SPIRE1: variants seen among roughly 807,000 people sequenced by gnomAD.
SPIRE1 encodes protein spire homolog 1.
Under a neutral mutation model 94.1 loss-of-function variants are expected in SPIRE1, and 40 were observed. That is an observed-to-expected ratio of 0.43 (90% CI 0.33 to 0.55). SPIRE1 has a LOEUF of 0.55. Ranked by LOEUF, SPIRE1 falls within the 20% of genes least tolerant of loss-of-function variation. The pLI, the probability that SPIRE1 is intolerant of heterozygous loss-of-function variation, is 0.06. For missense variants in SPIRE1, 838 were observed against 975.2 expected (o/e 0.86, Z 1.87); for synonymous variants, 376 against 371.7 (o/e 1.01, Z -0.13).
intron 4 of SPIRE1, among the ~76,000 whole-genome samples, chr18:12,528,905 A>G (rs1190138660): frequency 1.3e-5 from 2 of 152,248 alleles, no homozygotes; most frequent in African/African-American, 4.8e-5. Context: ...TCAAATATCT[A>G]CGGAGTCCCC....
At chr18:12,476,137 A>G (rs1267232613) in intron 10 of SPIRE1, among the ~76,000 whole-genome samples, 2 of 152,244 alleles carry the variant, frequency 1.3e-5, no homozygotes, top group African/African-American at 4.8e-5. Flanking sequence ...TCATCAATAG[A>G]AAGTTTATTA....
intron 2 of SPIRE1, among the ~76,000 whole-genome samples, chr18:12,610,520 G>C (rs2037108839): frequency 6.6e-6 from 1 of 151,904 alleles, no homozygotes; most frequent in African/African-American, 2.4e-5. Context: ...TCAATCCCTT[G>C]CCTTTTCTCT....
chr18:12,476,647 G>T (rs1031528630), intron 10 of SPIRE1, among the ~76,000 whole-genome samples: 5 of 107,178 alleles, frequency 4.7e-5, no homozygotes, highest in African/African-American at 6.5e-5. Flanking sequence ...ATATATAAAA[G>T]AATTTCAAAT....
intron 6 of SPIRE1, among the ~76,000 whole-genome samples, chr18:12,503,477 G>A (rs998371758): frequency 5.9e-5 from 9 of 152,106 alleles, no homozygotes; most frequent in African/African-American, 1.9e-4. Context: ...GCACGGGTTC[G>A]GTCCTGAGTT....
intron 2 of SPIRE1, among the ~76,000 whole-genome samples, chr18:12,626,123 T>C (rs1440046058): frequency 6.6e-6 from 1 of 150,652 alleles, no homozygotes; most frequent in African/African-American, 2.4e-5. Flanking sequence ...GGTAGTGAGC[T>C]GATTTAGCTA....
intron 4 of SPIRE1, among the ~76,000 whole-genome samples, chr18:12,514,646 G>A (rs956315368): frequency 2.6e-5 from 4 of 152,052 alleles, no homozygotes; most frequent in African/African-American, 9.7e-5. Context: ...TCAATCAGAG[G>A]GAGTAATATT....
intron 4 of SPIRE1, among the ~76,000 whole-genome samples, chr18:12,531,721 T>A (rs1567913446): frequency 6.6e-6 from 1 of 152,196 alleles, no homozygotes; most frequent in Non-Finnish European, 1.5e-5. Flanking sequence ...GTTAAAGTTT[T>A]AGGTAATGAT....
At chr18:12,472,977 T>C (rs1217501642) in intron 10 of SPIRE1, among the ~76,000 whole-genome samples, 1 of 152,160 alleles carries the variant, frequency 6.6e-6, no homozygotes, top group African/African-American at 2.4e-5. Context: ...GTATTTTTAG[T>C]AGAGATGGGG....
At chr18:12,583,187 G>C (rs568559587) in intron 2 of SPIRE1, among the ~76,000 whole-genome samples, 30 of 152,264 alleles carry the variant, frequency 2.0e-4, no homozygotes, top group African/African-American at 6.0e-4. Context: ...GTGTAAACAG[G>C]GGCCAGGCTC....
Position 12,463,330 on chromosome 18 carries a change from CAA to C in SPIRE1, c.1638+19_1638+20del. The C allele has an allele frequency of 6.3e-7, 1 of 1,585,240 alleles. No individual in the cohort carries two copies. Among genetic ancestry groups the C allele is most frequent in the Non-Finnish European group, 8.6e-7 (1 of 1,164,432 alleles). ...CTTCTAGCTGGTCCCTAAGTTACTA[CAA>C]AGTCTTTCCTGTACTTACAAGAGAG... On this transcript the variant is annotated intron_variant, in intron 12 of 16. Transcript: ENST00000409402.
intron 12 of SPIRE1, among the ~76,000 whole-genome samples, chr18:12,461,418 G>GTGTGTGTGTATGTATGTATATACATACA (rs1351244827): frequency 8.9e-5 from 13 of 146,008 alleles, no homozygotes; most frequent in South Asian, 2.1e-4. Context: ...ACATGTATGT[G>GTGTGTGTGTATGTATGTATATACATACA]TGTGTGTGTG....
At chr18:12,601,212 G>A (rs982958491) in intron 2 of SPIRE1, among the ~76,000 whole-genome samples, 11 of 150,696 alleles carry the variant, frequency 7.3e-5, no homozygotes, top group Non-Finnish European at 1.2e-4. Context: ...CTTAAGGTTC[G>A]AGACCAGCCC....
intron 2 of SPIRE1, among the ~76,000 whole-genome samples, chr18:12,615,345 A>AAAAAAAAAAAAAAAAAAAT: frequency 2.3e-4 from 4 of 17,244 alleles, no homozygotes; most frequent in Non-Finnish European, 3.7e-4. Flanking sequence ...AAAAAAAAAA[A>AAAAAAAAAAAAAAAAAAAT]ATATATATAT....
chr18:12,587,233 C>T (rs2036412419), intron 2 of SPIRE1, among the ~76,000 whole-genome samples: 1 of 152,118 alleles, frequency 6.6e-6, no homozygotes, highest in African/African-American at 2.4e-5. Context: ...AGAATAAATT[C>T]TGACAGACGG....
chr18:12,622,491 T>C (rs548433636), intron 2 of SPIRE1, among the ~76,000 whole-genome samples: 5 of 147,542 alleles, frequency 3.4e-5, no homozygotes, highest in African/African-American at 5.0e-5. Flanking sequence ...GGCGCGATCT[T>C]GGCTCACTGC....
At chr18:12,523,359 T>C (rs183329539) in intron 4 of SPIRE1, among the ~76,000 whole-genome samples, 10 of 152,358 alleles carry the variant, frequency 6.6e-5, no homozygotes, top group Middle Eastern at 3.4e-3. Flanking sequence ...CTCCTGGTGA[T>C]GATGCTGTGC....
In SPIRE1 at chr18:12,479,679, T is replaced by C. The variant is rs1344408221; in HGVS notation, c.1404+20A>G. On this transcript the variant is annotated intron_variant, in intron 10 of 16. Coordinates refer to ENST00000409402, the MANE Select transcript of SPIRE1 (RefSeq NM_001128626.2). Reference sequence around the variant, plus strand: ...AGCACCCTCATCTTGGGAGTCAAGCTGGGTGAACTGGGGCCTCACCTCAGA... The same window carrying C: ...AGCACCCTCATCTTGGGAGTCAAGCCGGGTGAACTGGGGCCTCACCTCAGA... 6.3e-7 allele frequency: 1 copy of C among 1,580,126 alleles called. No homozygotes were observed. Among genetic ancestry groups the C allele is most frequent in the African/African-American group, 1.4e-5 (1 of 73,442 alleles).
intron 1 of SPIRE1, among the ~76,000 whole-genome samples, chr18:12,644,238 A>G (rs1287778453): frequency 6.6e-6 from 1 of 151,240 alleles, no homozygotes; most frequent in Non-Finnish European, 1.5e-5. Flanking sequence ...GGGGGCAACT[A>G]TCATTAATTT....
At chr18:12,481,657 T>C (rs1218861197) in intron 9 of SPIRE1, among the ~76,000 whole-genome samples, 1 of 152,164 alleles carries the variant, frequency 6.6e-6, no homozygotes, top group African/African-American at 2.4e-5. Context: ...GCATTTCTTT[T>C]ACTGTTACCT....
Sources: gnomAD v4.1 joint callset for allele counts (sites outside exome capture counted in the v4.1 genomes callset) on GRCh38, gnomAD v4.1.1 for gene constraint, MANE v1.5 for transcripts, NCBI Gene and HGNC (gene_info 2026-07-23, HGNC 2026-07-21) for gene names.